The following SNX29 variants were observed in gnomAD, a reference collection of about 807,000 sequenced individuals.
SNX29 encodes sorting nexin-29.
A neutral mutation model predicts 102.1 loss-of-function variants in SNX29; 78 were observed. The ratio of observed to expected loss-of-function variants is 0.76; its 90% CI spans 0.64 to 0.92. SNX29 has a LOEUF of 0.92. SNX29 is among the 40% of genes least tolerant of loss of function. The probability of loss-of-function intolerance (pLI) is 0.00; values close to 1 mark genes in which losing one functional copy is unlikely to be tolerated. For synonymous variants in SNX29, 580 were observed against 414.5 expected, an observed-to-expected ratio of 1.40 and a Z score of -4.85; for missense variants, 1,280 against 1,061.7, an observed-to-expected ratio of 1.21 and a Z score of -2.86.
chr16:12,485,535 C>T (rs370562514), intron 19 of SNX29, among the ~76,000 whole-genome samples: 28 of 152,226 alleles, frequency 1.8e-4, no homozygotes, highest in Middle Eastern at 6.8e-3. Flanking sequence ...GACTGGTACT[C>T]GCCGAGCCGT....
At chr16:12,472,034 C>A (rs1195629915) in intron 18 of SNX29, among the ~76,000 whole-genome samples, 1 of 152,226 alleles carries the variant, frequency 6.6e-6, no homozygotes. Flanking sequence ...CAACTTGAAA[C>A]AACCTAAATG....
intron 13 of SNX29, among the ~76,000 whole-genome samples, chr16:12,138,585 C>T (rs146296733): frequency 1.3e-5 from 2 of 148,750 alleles, no homozygotes; most frequent in Admixed American, 1.4e-4. Flanking sequence ...ATCTTAAATT[C>T]ATAATGTAAA....
chr16:12,342,604 T>C (rs957655123), intron 15 of SNX29, among the ~76,000 whole-genome samples: 2 of 152,234 alleles, frequency 1.3e-5, no homozygotes, highest in Admixed American at 6.5e-5. Flanking sequence ...CAGAATCTTG[T>C]GTCTTTTACG....
At chr16:11,996,443 A>G (rs1218869227) in intron 1 of SNX29, among the ~76,000 whole-genome samples, 4 of 152,256 alleles carry the variant, frequency 2.6e-5, no homozygotes, top group Non-Finnish European at 5.9e-5. Context: ...CTGTGTGGAC[A>G]TTAAAGTTTG....
chr16:12,332,937 C>G (rs1311484033), intron 15 of SNX29, among the ~76,000 whole-genome samples: 1 of 152,082 alleles, frequency 6.6e-6, no homozygotes, highest in African/African-American at 2.4e-5. Context: ...CTCATGGCCA[C>G]CCCTGCTCGT....
chr16:12,560,167 ACTT>A (rs1213994168), intron 20 of SNX29, among the ~76,000 whole-genome samples: 16 of 123,476 alleles, frequency 1.3e-4, no homozygotes, highest in African/African-American at 5.4e-4. Flanking sequence ...AGCCTTTCTC[ACTT>A]TTTTTTAATT....
intron 14 of SNX29, among the ~76,000 whole-genome samples, chr16:12,266,868 A>G (rs1464961859): frequency 1.3e-5 from 2 of 152,020 alleles, no homozygotes; most frequent in Non-Finnish European, 2.9e-5. Context: ...GGTTCAAGTG[A>G]TTCTCCTGCC....
At chr16:12,028,581 C>T (rs1415107152) in intron 4 of SNX29, among the ~76,000 whole-genome samples, 2 of 151,990 alleles carry the variant, frequency 1.3e-5, no homozygotes, top group Non-Finnish European at 2.9e-5. Context: ...CCAGGCTGGT[C>T]TCAAACTCCT....
At chr16:12,565,531 C>A (rs76893140) in intron 20 of SNX29, among the ~76,000 whole-genome samples, 57 of 152,338 alleles carry the variant, frequency 3.7e-4, no homozygotes, top group East Asian at 3.7e-3. Context: ...TCCACATGGC[C>A]TCGAGGATTG....
chr16:12,267,100 T>C (rs2078951940), intron 14 of SNX29, among the ~76,000 whole-genome samples: 1 of 152,226 alleles, frequency 6.6e-6, no homozygotes, highest in Non-Finnish European at 1.5e-5. Flanking sequence ...GGCTTGGGTA[T>C]CACTGGAACC....
chr16:12,033,358 C>T (rs1413686078), intron 4 of SNX29, among the ~76,000 whole-genome samples: 3 of 151,878 alleles, frequency 2.0e-5, no homozygotes, highest in Admixed American at 6.6e-5. Context: ...CCACCTTGGC[C>T]TCCCAAAGTG....
intron 15 of SNX29, among the ~76,000 whole-genome samples, chr16:12,344,808 C>T (rs922353593): frequency 6.6e-6 from 1 of 152,206 alleles, no homozygotes; most frequent in Non-Finnish European, 1.5e-5. Flanking sequence ...GCTGCGCTGC[C>T]TTCTAACTCC....
intron 11 of SNX29, among the ~76,000 whole-genome samples, chr16:12,101,381 A>G (rs946900010): frequency 7.2e-6 from 1 of 139,404 alleles, no homozygotes; most frequent in Non-Finnish European, 1.5e-5. Flanking sequence ...TTGACCCCCA[A>G]TTTTATTTTT....
intron 20 of SNX29, among the ~76,000 whole-genome samples, chr16:12,529,784 A>T (rs2076883175): frequency 6.6e-6 from 1 of 152,146 alleles, no homozygotes; most frequent in African/African-American, 2.4e-5. Flanking sequence ...CGTTTAGCTC[A>T]GCGATGCCAC....
intron 11 of SNX29, among the ~76,000 whole-genome samples, chr16:12,126,011 A>G (rs2054200479): frequency 6.6e-6 from 1 of 151,818 alleles, no homozygotes; most frequent in South Asian, 2.1e-4. Flanking sequence ...ATCTTGTTTC[A>G]CACTTCAGAA....
intron 18 of SNX29, among the ~76,000 whole-genome samples, chr16:12,423,285 A>G (rs1049192717): frequency 3.3e-5 from 5 of 152,132 alleles, no homozygotes; most frequent in Non-Finnish European, 5.9e-5. Flanking sequence ...CGTAGATCAT[A>G]AGAGCTGATG....
chr16:12,479,851 T>C (rs1247397595), intron 19 of SNX29, among the ~76,000 whole-genome samples: 3 of 152,132 alleles, frequency 2.0e-5, no homozygotes, highest in African/African-American at 7.2e-5. Context: ...GGGAAAGCCA[T>C]TGTAGCACAA....
At chr16:12,297,505 C>G (rs2080021660) in intron 15 of SNX29, among the ~76,000 whole-genome samples, 1 of 151,984 alleles carries the variant, frequency 6.6e-6, no homozygotes, top group African/African-American at 2.4e-5. Flanking sequence ...GCATCCCTGG[C>G]TTCCTTCCCT....
At chr16:12,036,844 G>A (rs923754062) in intron 4 of SNX29, among the ~76,000 whole-genome samples, 2 of 152,088 alleles carry the variant, frequency 1.3e-5, no homozygotes, top group African/African-American at 2.4e-5. Context: ...TCCTGTGGTT[G>A]CAAATGATAG....
Sources: gnomAD v4.1 joint callset for allele counts (sites outside exome capture counted in the v4.1 genomes callset) on GRCh38, gnomAD v4.1.1 for gene constraint, MANE v1.5 for transcripts, NCBI Gene and HGNC (gene_info 2026-07-23, HGNC 2026-07-21) for gene names.